Variants in PDGFRB observed in about 807,000 individuals in gnomAD.
PDGFRB encodes platelet-derived growth factor receptor beta.
PDGFRB carries 42 observed loss-of-function variants against 120.2 expected under a neutral mutation model. The observed-to-expected ratio is 0.35, with a 90% CI of 0.27 to 0.45. PDGFRB has a LOEUF of 0.45. Ranked by LOEUF, PDGFRB falls within the 20% of genes least tolerant of loss-of-function variation. The pLI is 1.00. For synonymous variants in PDGFRB, 586 were observed against 606.8 expected (o/e 0.97, Z 0.50); for missense variants, 1,149 against 1,476.3 (o/e 0.78, Z 3.63).
chr5:150,129,706 G>C, intron 10 of PDGFRB, 51 bp downstream of exon 10: 1 of 1,475,416 alleles, frequency 6.8e-7, no homozygotes, highest in Admixed American at 1.7e-5. Flanking sequence ...AATTAGGCAG[G>C]ATTAAGGTAG....
At position 150,155,436 on chromosome 5, in the gene PDGFRB, C is replaced by T; in HGVS notation, c.-46G>A. The T allele has an allele frequency of 5.1e-6, 2 of 395,308 alleles. No homozygotes were observed. The highest frequency in any genetic ancestry group is 8.9e-6 in the Non-Finnish European group (2 of 224,898). The allele number at this position is 395,308 out of a possible 1,614,324, so 24.5% of individuals were successfully genotyped here. On this transcript the variant is annotated 5_prime_UTR_variant, in exon 1 of 23. Transcript: ENST00000261799. ...CTTCTGGTGTGGGCACAGTTCCAGG[C>T]TCTGGACAGTCACCCCCTCCAGGAA... is the stretch of plus-strand genomic sequence containing the variant.
In PDGFRB at chr5:150,121,582, G is replaced by A. The variant is rs1203820976; in HGVS notation, c.2345-260C>T. On this transcript the variant is annotated intron_variant, in intron 16 of 22. Transcript: ENST00000261799. This position sits in a 1 kb window ranked among gnomAD's most constrained non-coding sequence, Gnocchi z 4.1. ...GCCTGCCTGCCTCTCAGGGACACTA[G>A]ACCAGCCTGGGGCTGAAGCTGAGTA... Among the ~76,000 whole-genome samples the A allele has an allele frequency of 2.0e-5, 3 of 152,214 alleles. No individual in the cohort carries two copies.
chr5:150,134,113 T>C lies in PDGFRB; in HGVS notation c.632-105A>G, dbSNP rs1022505043. On this transcript the variant is annotated intron_variant, in intron 4 of 22. Coordinates refer to ENST00000261799, the MANE Select transcript of PDGFRB (RefSeq NM_002609.4). ...CTAGAGAGGGAAAGGATGACTGATG[T>C]AGAAGATTCATTCATTCAACAAATA... is the stretch of plus-strand genomic sequence containing the variant. 79 of 1,003,782 alleles carry C rather than the reference T, an allele frequency of 7.9e-5. No homozygotes were observed. The African/African-American group carries it at 1.2e-3, about 15-fold the overall frequency. The allele number at this position is 1,003,782 out of a possible 1,614,324, so 62.2% of individuals were successfully genotyped here. A position where few individuals can be genotyped will look rare whatever the true frequency, so the allele number is the denominator to read the frequency against.
chr5:150,126,440 T>C (rs1760295637), intron 11 of PDGFRB, 80 bp downstream of exon 11: 3 of 830,178 alleles, frequency 3.6e-6, no homozygotes, highest in Non-Finnish European at 6.4e-6. Flanking sequence ...TCACGCAGCA[T>C]TCAAGGAGGG....
Position 150,133,574 on chromosome 5 carries a change from C to T in PDGFRB, c.934+12G>A. 3 of 1,611,094 alleles carry T rather than the reference C, an allele frequency of 1.9e-6. No individual in the cohort carries two copies. Among genetic ancestry groups the T allele is most frequent in the Non-Finnish European group, 2.5e-6 (3 of 1,177,462 alleles). The stretch of plus-strand genomic sequence containing the variant: ...AAGGAATTGGGGATTGGGCTGAGCC[C>T]AAGGCACACACCAACCACGGTGATG... On this transcript the variant is annotated intron_variant, in intron 6 of 22. Transcript: ENST00000261799.
intron 1 of PDGFRB, among the ~76,000 whole-genome samples, chr5:150,147,946 C>T (rs925884534): frequency 1.3e-5 from 2 of 152,300 alleles, no homozygotes; most frequent in South Asian, 2.1e-4. Context: ...CGGCCTTGCG[C>T]GCACAGCCAA....
rs1308815397 is a variant in PDGFRB at position 150,134,078 on chromosome 5, G to C, written c.632-70C>G. On this transcript the variant is annotated intron_variant, in intron 4 of 22. Transcript: ENST00000261799. ...CCACTAGCACTTCAGCTTGGGGATA[G>C]GGTAGGGGGCTAGAGAGGGAAAGGA... 2.8e-6 allele frequency: 4 copies of C among 1,426,362 alleles called. No homozygotes were observed. In the African/African-American group the frequency reaches 4.2e-5, roughly 15 times the overall value. The allele number at this position is 1,426,362 out of a possible 1,614,324, so 88.4% of individuals were successfully genotyped here. A position where few individuals can be genotyped will look rare whatever the true frequency, so the allele number is the denominator to read the frequency against.
intron 10 of PDGFRB, among the ~76,000 whole-genome samples, chr5:150,127,694 C>T (rs796579753): frequency 1.3e-5 from 2 of 151,712 alleles, no homozygotes; most frequent in Non-Finnish European, 2.9e-5. Flanking sequence ...AATAGCTGGG[C>T]GTGGTGGTGG....
In PDGFRB at chr5:150,133,875, C is replaced by A; in HGVS notation, c.759+6G>T. ...CTCCTCCGACCCCTGCCTGGCCCCACATTACTTCTTTGCGGGGGTATGTCC... is the reference window on the plus strand; with the variant it reads ...CTCCTCCGACCCCTGCCTGGCCCCAAATTACTTCTTTGCGGGGGTATGTCC... On this transcript the variant is annotated splice_donor_region_variant and intron_variant, in intron 5 of 22. Coordinates refer to ENST00000261799, the MANE Select transcript of PDGFRB (RefSeq NM_002609.4). 2.5e-6 allele frequency: 4 copies of A among 1,614,160 alleles called. No homozygotes were observed. Among genetic ancestry groups the A allele is most frequent in the Non-Finnish European group, 3.4e-6 (4 of 1,180,012 alleles).
chr5:150,119,601 C>T (rs764502246), intron 19 of PDGFRB, 35 bp from the exon 20 acceptor site: 4 of 1,331,790 alleles, frequency 3.0e-6, no homozygotes, highest in South Asian at 1.2e-5. Flanking sequence ...TACACAGGCT[C>T]AGGGGTGGAA....
Position 150,121,870 on chromosome 5 carries a change from G to A in PDGFRB, c.2344+10C>T. 6.2e-7 allele frequency: 1 copy of A among 1,603,728 alleles called. No homozygotes were observed. On this transcript the variant is annotated intron_variant, in intron 16 of 22. Coordinates refer to ENST00000261799, the MANE Select transcript of PDGFRB (RefSeq NM_002609.4). This position sits in a 1 kb window ranked among gnomAD's most constrained non-coding sequence, Gnocchi z 4.1. ...TGGATGTGGGGTACTATGTCACTAT[G>A]TCCACCCACCAGAGGGAACGTAGTT...
chr5:150,155,439 T>C lies in PDGFRB; in HGVS notation c.-49A>G, dbSNP rs1761204775. The C allele has an allele frequency of 1.0e-5, 4 of 395,912 alleles. No individual in the cohort carries two copies. The highest frequency in any genetic ancestry group is 1.8e-5 in the Non-Finnish European group (4 of 225,094). The allele number at this position is 395,912 out of a possible 1,614,324, so 24.5% of individuals were successfully genotyped here. ...CTGGTGTGGGCACAGTTCCAGGCTC[T>C]GGACAGTCACCCCCTCCAGGAAGTC... On this transcript the variant is annotated 5_prime_UTR_variant, in exon 1 of 23. Transcript: ENST00000261799.
chr5:150,124,461 C>CA, intron 13 of PDGFRB, 101 bp from the exon 14 acceptor site: 1 of 862,678 alleles, frequency 1.2e-6, no homozygotes, highest in South Asian at 1.6e-5. Context: ...CCCTGTGCTG[C>CA]AAGACCCAGG....
intron 4 of PDGFRB, among the ~76,000 whole-genome samples, chr5:150,134,434 T>G (rs1760564744): frequency 6.6e-6 from 1 of 152,186 alleles, no homozygotes; most frequent in African/African-American, 2.4e-5. Flanking sequence ...ATGTGCTTTG[T>G]GTAAAGTCAC....
In PDGFRB at chr5:150,135,046, G is replaced by A. The variant is rs1282509252; in HGVS notation, c.365-30C>T. ...CAGGAGTGGAGCCGTGAATAAATCA[G>A]GGGAACTGGGTTTCTGGCCATCCCC... On this transcript the variant is annotated intron_variant, in intron 3 of 22. Coordinates refer to ENST00000261799, the MANE Select transcript of PDGFRB (RefSeq NM_002609.4). 7 of 1,219,528 alleles carry A rather than the reference G, an allele frequency of 5.7e-6. No homozygotes were observed. In the Admixed American group the frequency reaches 9.4e-5, roughly 16 times the overall value. 75.5% of individuals were successfully genotyped at this position (1,219,528 alleles called of 1,614,324 possible).
intron 1 of PDGFRB, among the ~76,000 whole-genome samples, chr5:150,146,683 T>G (rs1177003652): frequency 2.6e-5 from 4 of 152,178 alleles, no homozygotes; most frequent in Non-Finnish European, 5.9e-5. Context: ...CTCAGCCTCC[T>G]GAGTAGCTGG....
intron 1 of PDGFRB, among the ~76,000 whole-genome samples, chr5:150,145,739 A>T (rs1760903978): frequency 6.6e-6 from 1 of 152,156 alleles, no homozygotes; most frequent in Non-Finnish European, 1.5e-5. Context: ...AAATAAAAAA[A>T]AATAAAAGTT....
intron 1 of PDGFRB, among the ~76,000 whole-genome samples, chr5:150,145,652 C>T (rs571348846): frequency 3.2e-4 from 48 of 152,354 alleles, no homozygotes; most frequent in Non-Finnish European, 6.6e-4. Context: ...GCCCATGAGA[C>T]AGCCCCTCTG....
At chr5:150,127,406 C>T (rs982188982) in intron 10 of PDGFRB, among the ~76,000 whole-genome samples, 11 of 152,156 alleles carry the variant, frequency 7.2e-5, no homozygotes, top group Admixed American at 6.5e-4. Flanking sequence ...CTTCTTTGCT[C>T]CCTAGGGAGT....
Sources: gnomAD v4.1 joint callset for allele counts (sites outside exome capture counted in the v4.1 genomes callset) on GRCh38, gnomAD v4.1.1 for gene constraint, Gnocchi (gnomAD v3.1) non-coding constraint, MANE v1.5 for transcripts, NCBI Gene and HGNC (gene_info 2026-07-23, HGNC 2026-07-21) for gene names.